Variants in CLIC5 observed in about 807,000 individuals in gnomAD.
The protein encoded by CLIC5 is chloride intracellular channel protein 5.
In CLIC5, 20 loss-of-function variants were observed where a neutral mutation model predicts 24.7. That is an observed-to-expected ratio of 0.81 (90% confidence interval 0.57 to 1.18). The LOEUF is 1.18. CLIC5 is among the 50% of genes most tolerant of loss of function. The probability of loss-of-function intolerance (pLI) is 0.00; values close to 1 mark genes in which losing one functional copy is unlikely to be tolerated. For synonymous variants in CLIC5, 159 were observed against 135.6 expected (o/e 1.17, Z -1.20); for missense variants, 341 against 326.1 (o/e 1.05, Z -0.35).
In CLIC5 at chr6:45,888,109, G is replaced by C. The variant is rs73456748; in HGVS notation, c.624-6921C>G. 1.6e-4 allele frequency among the ~76,000 whole-genome samples: 25 copies of C among 152,308 alleles called. 1 individual carries two copies. The highest frequency in any genetic ancestry group is 1.5e-3 in the Admixed American group (23 of 15,300). ...ACAGAAGCAGCAGTCCACAGAAGACGACTGAAGTGAGAGCAGCTTCACAGC... is the reference window on the plus strand; with the variant it reads ...ACAGAAGCAGCAGTCCACAGAAGACCACTGAAGTGAGAGCAGCTTCACAGC... On this transcript the variant is annotated intron_variant, in intron 6 of 6. Coordinates refer to the CLIC5 transcript ENST00000644324.
chr6:46,040,568 C>T (rs1448066850), intron 1 of CLIC5, among the ~76,000 whole-genome samples: 1 of 151,292 alleles, frequency 6.6e-6, no homozygotes, highest in Non-Finnish European at 1.5e-5. Context: ...GATAATGATG[C>T]TGATGGTGGG....
At chr6:46,060,160 G>A (rs1762210121) in intron 1 of CLIC5, among the ~76,000 whole-genome samples, 1 of 152,178 alleles carries the variant, frequency 6.6e-6, no homozygotes, top group African/African-American at 2.4e-5. Flanking sequence ...GGCATAGTCA[G>A]TCTCTTTGAG....
intron 1 of CLIC5, among the ~76,000 whole-genome samples, chr6:45,967,300 G>C (rs1011032388): frequency 3.3e-5 from 5 of 152,216 alleles, no homozygotes; most frequent in South Asian, 4.1e-4. Flanking sequence ...GGTGATGAAA[G>C]AGACATGGTC....
the CLIC5 span, among the ~76,000 whole-genome samples, chr6:46,094,571 G>T: frequency 2.9e-4 from 44 of 152,306 alleles, no homozygotes; most frequent in South Asian, 3.3e-3. Flanking sequence ...AAATCTTAAA[G>T]CTCCAAAATA....
chr6:46,048,900 A>G (rs116715328), intron 1 of CLIC5, among the ~76,000 whole-genome samples: 2,752 of 152,286 alleles, frequency 0.018, 105 homozygotes, highest in African/African-American at 0.064. Flanking sequence ...TGGACTCTTC[A>G]TAGTTGCCAA....
chr6:46,058,010 C>T (rs1768308098), intron 1 of CLIC5, among the ~76,000 whole-genome samples: 2 of 152,154 alleles, frequency 1.3e-5, no homozygotes, highest in South Asian at 4.1e-4. Flanking sequence ...TCTGGGCTTT[C>T]TCCCTGCCCC....
At chr6:45,942,948 G>GT (rs1764181733) in intron 3 of CLIC5, among the ~76,000 whole-genome samples, 1 of 152,214 alleles carries the variant, frequency 6.6e-6, no homozygotes, top group South Asian at 2.1e-4. Context: ...TGAGAACCTG[G>GT]TTTCCTGGCC....
intron 1 of CLIC5, among the ~76,000 whole-genome samples, chr6:46,008,746 C>T (rs1766692546): frequency 6.6e-6 from 1 of 152,154 alleles, no homozygotes; most frequent in African/African-American, 2.4e-5. Flanking sequence ...AGAAAAATTA[C>T]AAAAGAAAGG....
At chr6:46,036,062 G>A (rs562547363) in intron 1 of CLIC5, among the ~76,000 whole-genome samples, 2 of 151,910 alleles carry the variant, frequency 1.3e-5, no homozygotes, top group South Asian at 4.2e-4. Context: ...GGTTTTTAAT[G>A]ACTCCTCCCC....
intron 2 of CLIC5, among the ~76,000 whole-genome samples, chr6:45,952,578 A>T (rs1764508802): frequency 6.6e-6 from 1 of 152,224 alleles, no homozygotes; most frequent in African/African-American, 2.4e-5. Flanking sequence ...TCAGTCACTA[A>T]AGTGTAGTGC....
chr6:46,072,098 G>A (rs956442761), intron 1 of CLIC5, among the ~76,000 whole-genome samples: 11 of 152,040 alleles, frequency 7.2e-5, no homozygotes, highest in African/African-American at 2.7e-4. Context: ...GTAGAGGGTG[G>A]GAGGAGGGAG....
chr6:46,102,505 T>G, the CLIC5 span: 3 of 152,192 alleles, frequency 2.0e-5, no homozygotes, highest in Non-Finnish European at 4.4e-5. Flanking sequence ...TGTGGCTGGC[T>G]TTGGGGAAAA....
chr6:46,094,428 A>G, the CLIC5 span, among the ~76,000 whole-genome samples: 1 of 152,214 alleles, frequency 6.6e-6, no homozygotes, highest in Admixed American at 6.5e-5. Flanking sequence ...AATAAAAAAC[A>G]AGTTAGTTAC....
At chr6:45,986,107 T>C (rs1765726270) in intron 1 of CLIC5, among the ~76,000 whole-genome samples, 1 of 152,212 alleles carries the variant, frequency 6.6e-6, no homozygotes, top group East Asian at 1.9e-4. Flanking sequence ...TCCCCAGCCA[T>C]GTGGAACTGT....
At chr6:45,886,721 G>A (rs1762309008) in intron 6 of CLIC5, among the ~76,000 whole-genome samples, 1 of 152,126 alleles carries the variant, frequency 6.6e-6, no homozygotes, top group Admixed American at 6.5e-5. Flanking sequence ...TTAGTCTCTG[G>A]AGAGCTCAAA....
the CLIC5 span, among the ~76,000 whole-genome samples, chr6:46,094,698 T>C: frequency 6.6e-6 from 1 of 152,242 alleles, no homozygotes; most frequent in Non-Finnish European, 1.5e-5. Context: ...ACAGCTGCTC[T>C]GATGGGCTGT....
At chr6:45,929,785 A>T (rs1452463986) in intron 4 of CLIC5, among the ~76,000 whole-genome samples, 1 of 152,214 alleles carries the variant, frequency 6.6e-6, no homozygotes, top group African/African-American at 2.4e-5. Context: ...AACAGAGTAG[A>T]CATGGAGCCC....
chr6:46,036,456 G>T (rs1257820912), intron 1 of CLIC5, among the ~76,000 whole-genome samples: 1 of 151,648 alleles, frequency 6.6e-6, no homozygotes, highest in East Asian at 2.0e-4. Context: ...GACTACAGGC[G>T]CCTGCCACCA....
At chr6:45,960,897 A>G (rs1764823553) in intron 1 of CLIC5, among the ~76,000 whole-genome samples, 1 of 152,098 alleles carries the variant, frequency 6.6e-6, no homozygotes, top group African/African-American at 2.4e-5. Context: ...ACCACTTCTA[A>G]GTTTGTCCTT....
Sources: allele counts gnomAD v4.1 joint callset (sites outside exome capture counted in the v4.1 genomes callset), GRCh38; gene constraint gnomAD v4.1.1; transcripts MANE v1.5; gene names NCBI Gene and HGNC (gene_info 2026-07-23, HGNC 2026-07-21).